USP40: variants seen among roughly 807,000 people sequenced by gnomAD.
USP40 encodes ubiquitin specific peptidase 40, also known as ubiquitin carboxyl-terminal hydrolase 40.
In USP40, 143 loss-of-function variants were observed where a neutral mutation model predicts 166.2. That is an observed-to-expected ratio of 0.86 (90% CI 0.75 to 0.99). The LOEUF (loss-of-function observed/expected upper bound fraction) is 0.99, where lower values mean the gene tolerates loss of function less well. USP40 is among the 50% of genes least tolerant of loss of function. USP40 has a pLI of 0.00. For missense variants in USP40, 1,444 were observed against 1,479.7 expected, an observed-to-expected ratio of 0.98 and a Z score of 0.40; for synonymous variants, 498 against 524.0, an observed-to-expected ratio of 0.95 and a Z score of 0.68.
chr2:233,548,991 G>C (rs1575332213), intron 8 of USP40, 110 bp downstream of exon 8: 1 of 1,104,436 alleles, frequency 9.1e-7, no homozygotes, highest in South Asian at 2.0e-5. Context: ...GCCTATCAAA[G>C]TTTTCTATAG....
At position 233,556,855 on chromosome 2, in the gene USP40, C is replaced by A; in HGVS notation, c.546G>T (p.Gln182His). 6.2e-7 allele frequency: 1 copy of A among 1,605,800 alleles called. No homozygotes were observed. The highest frequency in any genetic ancestry group is 1.1e-5 in the South Asian group (1 of 88,564). The change falls in exon 5 of 32, where the codon CAG (glutamine) becomes CAT (histidine). Residue 182 changes from glutamine (Q) to histidine (H), a missense_variant and splice_region_variant. Transcript: ENST00000678225. ...CKECKNVSERQEDFLDLTVAV... is the reference protein window; with the variant it reads ...CKECKNVSERHEDFLDLTVAV... ...TACTAAAATACTCTGGCATATTTAC[C>A]TGCCTCTCGCTAACGTTCTTACATT...
rs143883200 is a variant in USP40 at position 233,528,032 on chromosome 2, G to A, written c.1554-454C>T. Among the ~76,000 whole-genome samples, 849 of 149,746 alleles carry A rather than the reference G, an allele frequency of 5.7e-3. 9 individuals carry two copies. The highest frequency in any genetic ancestry group is 0.02 in the African/African-American group (795 of 40,542). On this transcript the variant is annotated intron_variant, in intron 12 of 31. Transcript: ENST00000678225. ...CTCACTCTGTCGCCAAGGCTGGAGT[G>A]CAGTGCTGCGATCTTGGCTCACTAC...
At chr2:233,494,832 A>T (rs1217710913) in intron 24 of USP40, among the ~76,000 whole-genome samples, 4 of 145,080 alleles carry the variant, frequency 2.8e-5, no homozygotes, top group Middle Eastern at 7.2e-3. Flanking sequence ...TCTAAAAAAA[A>T]AAAAAAAAAA....
At chr2:233,541,898 A>G (rs994454195) in intron 9 of USP40, among the ~76,000 whole-genome samples, 4 of 152,250 alleles carry the variant, frequency 2.6e-5, no homozygotes, top group Admixed American at 1.3e-4. Context: ...TGACAATAAT[A>G]GCCAAAAAAG....
chr2:233,488,373 C>A (rs2065086898), intron 27 of USP40, 69 bp from the exon 28 acceptor site: 4 of 1,407,366 alleles, frequency 2.8e-6, no homozygotes, highest in Non-Finnish European at 3.9e-6. Flanking sequence ...TTTTTTCCCC[C>A]AATTTTAAGC....
chr2:233,483,766 C>T (rs1392466832), intron 30 of USP40, among the ~76,000 whole-genome samples: 7 of 152,060 alleles, frequency 4.6e-5, no homozygotes, highest in Non-Finnish European at 8.8e-5. Flanking sequence ...TTCCAAAACC[C>T]GAAAAAACCT....
At position 233,476,773 on chromosome 2, in the gene USP40, T is replaced by C. The variant is rs545215374; in HGVS notation, c.*619A>G. On this transcript the variant is annotated 3_prime_UTR_variant, in exon 32 of 32. Transcript: ENST00000678225. ...AGCGACTCACCCTCGGAGGCCACCC[T>C]GTGTGGCTCCTCCTCGTGGAAAGAG... 1.1e-3 allele frequency: 171 copies of C among 160,232 alleles called. 4 individuals are homozygous for C. Among genetic ancestry groups the C allele is most frequent in the Admixed American group, 9.8e-3 (170 of 17,284 alleles). The allele number at this position is 160,232 out of a possible 1,614,324, so 9.9% of individuals were successfully genotyped here. A position where few individuals can be genotyped will look rare whatever the true frequency, so the allele number is the denominator to read the frequency against.
chr2:233,497,110 TAATC>T (rs2065792562), intron 23 of USP40, among the ~76,000 whole-genome samples: 4 of 152,204 alleles, frequency 2.6e-5, no homozygotes, highest in Admixed American at 2.0e-4. Context: ...AAATTTTAAT[TAATC>T]CTAAAAAGAT....
chr2:233,547,292 T>A (rs922222318), intron 8 of USP40, among the ~76,000 whole-genome samples: 2 of 152,216 alleles, frequency 1.3e-5, no homozygotes, highest in African/African-American at 4.8e-5. Context: ...TAGGCATAGA[T>A]CATCTCCCTG....
At chr2:233,542,566 T>C in intron 8 of USP40, 1 of 414,164 alleles carries the variant, frequency 2.4e-6, no homozygotes, top group Non-Finnish European at 4.3e-6. Flanking sequence ...TAAAAAAAAT[T>C]AGCCAGGAGG....
At chr2:233,555,039 A>C (rs2070935079) in intron 5 of USP40, among the ~76,000 whole-genome samples, 1 of 152,168 alleles carries the variant, frequency 6.6e-6, no homozygotes, top group East Asian at 1.9e-4. Flanking sequence ...AAAATACAAA[A>C]AAAATTAGCT....
chr2:233,527,908 T>C (rs545628986), intron 12 of USP40, among the ~76,000 whole-genome samples: 10 of 151,276 alleles, frequency 6.6e-5, no homozygotes, highest in Non-Finnish European at 1.0e-4. Context: ...TACATCATTA[T>C]GTTAAGTAGC....
Position 233,556,963 on chromosome 2 carries a change from T to C in USP40, c.438A>G (p.Glu146=). ...ELNRILFSAL[E]TSLVGTSGHD... ...GACCGGAGGTCCCAACTAAAGAAGT[T>C]TCCAAAGCGCTGAAGAGGATTCGAT... Residue 146 remains glutamate, a synonymous_variant, in exon 5 of 32, where the codon GAA becomes GAG. Transcript: ENST00000678225. 1 of 1,613,926 alleles carries C rather than the reference T, an allele frequency of 6.2e-7. No homozygotes were observed. The highest frequency in any genetic ancestry group is 8.5e-7 in the Non-Finnish European group (1 of 1,179,856).
At chr2:233,538,336 G>A (rs141806450) in intron 10 of USP40, among the ~76,000 whole-genome samples, 1 of 152,068 alleles carries the variant, frequency 6.6e-6, no homozygotes, top group African/African-American at 2.4e-5. Context: ...GGAAGAGACT[G>A]TCAAACTCTC....
At chr2:233,496,887 A>C in intron 23 of USP40, 55 bp from the exon 24 acceptor site, 307 of 1,403,564 alleles carry the variant, frequency 2.2e-4, no homozygotes, top group Non-Finnish European at 2.8e-4. Flanking sequence ...GGAGCAGATC[A>C]TTGATCTTTT....
intron 24 of USP40, among the ~76,000 whole-genome samples, chr2:233,494,956 T>TATATATTTATATA (rs2065626785): frequency 2.8e-5 from 1 of 35,502 alleles, no homozygotes; most frequent in Non-Finnish European, 5.1e-5. Context: ...ATATATATAT[T>TATATATTTATATA]TATATATATA....
intron 18 of USP40, among the ~76,000 whole-genome samples, chr2:233,517,061 G>A (rs1217740792): frequency 6.6e-6 from 1 of 152,000 alleles, no homozygotes; most frequent in Non-Finnish European, 1.5e-5. Flanking sequence ...TTTTGATGTC[G>A]ATTTTGTTGT....
chr2:233,538,315 T>C (rs1479223019), intron 10 of USP40, among the ~76,000 whole-genome samples: 2 of 151,932 alleles, frequency 1.3e-5, no homozygotes, highest in Non-Finnish European at 2.9e-5. Context: ...AACTAAACAT[T>C]CTAATAAAAA....
intron 21 of USP40, among the ~76,000 whole-genome samples, chr2:233,509,163 C>A (rs1448753657): frequency 6.6e-6 from 1 of 152,126 alleles, no homozygotes; most frequent in Non-Finnish European, 1.5e-5. Context: ...CAACCTGTAT[C>A]AGGGGACAGA....
Sources: gnomAD v4.1 joint callset for allele counts (sites outside exome capture counted in the v4.1 genomes callset) on GRCh38, gnomAD v4.1.1 for gene constraint, MANE v1.5 for transcripts, NCBI Gene and HGNC (gene_info 2026-07-23, HGNC 2026-07-21) for gene names.